The following TAMM41 variants were observed in gnomAD, a reference collection of about 807,000 sequenced individuals.
TAMM41 encodes the protein phosphatidate cytidylyltransferase, mitochondrial.
Under a neutral mutation model 44.1 loss-of-function variants are expected in TAMM41, and 36 were observed. The observed-to-expected ratio is 0.82, with a 90% CI of 0.63 to 1.08. The LOEUF (loss-of-function observed/expected upper bound fraction) is 1.08. Among genes scored for constraint, TAMM41 ranks in the 50% least tolerant of loss-of-function variants. The pLI, the probability that TAMM41 is intolerant of heterozygous loss-of-function variation, is 0.00. For missense variants in TAMM41, 417 were observed against 404.3 expected, an observed-to-expected ratio of 1.03 and a Z score of -0.27; for synonymous variants, 164 against 153.1, an observed-to-expected ratio of 1.07 and a Z score of -0.53.
Position 11,817,425 on chromosome 3 carries a change from G to A in TAMM41, c.563-88C>T, listed in dbSNP as rs963733221. On this transcript the variant is annotated intron_variant, in intron 4 of 7. Transcript: ENST00000455809. ...GACGCTCCCCACACTGATACCGCAC[G>A]GGTTCACTCTGGCAGGATCCCTCAT... The A allele has an allele frequency of 1.3e-5, 17 of 1,356,130 alleles. No homozygotes were observed. In the South Asian group the frequency reaches 2.1e-4, roughly 17 times the overall value. The allele number at this position is 1,356,130 out of a possible 1,614,324, so 84.0% of individuals were successfully genotyped here. A position where few individuals can be genotyped will look rare whatever the true frequency, so the allele number is the denominator to read the frequency against.
At chr3:11,743,224 T>G in the TAMM41 span, among the ~76,000 whole-genome samples, 1 of 151,870 alleles carries the variant, frequency 6.6e-6, no homozygotes, top group African/African-American at 2.4e-5. Flanking sequence ...GTGGTGGCAG[T>G]GGAGTCTTTG....
At chr3:11,740,832 C>T in the TAMM41 span, among the ~76,000 whole-genome samples, 1 of 50,832 alleles carries the variant, frequency 2.0e-5, no homozygotes, top group Non-Finnish European at 3.5e-5. Flanking sequence ...TTCCAAAGTG[C>T]TGGGATTACA....
rs568567833 is a variant in TAMM41, at chr3:11,802,798, TCAA to T, written c.937+5032_937+5034del. On this transcript the variant is annotated intron_variant, in intron 7 of 7. Transcript: ENST00000455809. ...CTGATGAACACAGACACAAAAATCC[TCAA>T]CAAAATACTAGCAAATTAAATCCAA... is the stretch of plus-strand genomic sequence containing the variant. Among the ~76,000 whole-genome samples, 3 of 152,208 alleles carry T rather than the reference TCAA, an allele frequency of 2.0e-5. No homozygotes were observed. In the South Asian group the frequency reaches 6.2e-4, roughly 32 times the overall value.
the TAMM41 span, among the ~76,000 whole-genome samples, chr3:11,745,533 A>G: frequency 6.6e-6 from 1 of 152,350 alleles, no homozygotes; most frequent in East Asian, 1.9e-4. Flanking sequence ...TACAACATGG[A>G]TGAACCTTGA....
the TAMM41 span, among the ~76,000 whole-genome samples, chr3:11,727,250 C>T: frequency 3.9e-5 from 6 of 152,300 alleles, no homozygotes; most frequent in African/African-American, 1.4e-4. Context: ...GAATTAAACC[C>T]TGGTGGTCCA....
chr3:11,765,030 G>C, the TAMM41 span, among the ~76,000 whole-genome samples: 6 of 152,094 alleles, frequency 3.9e-5, no homozygotes. Flanking sequence ...ACCTTAGTTG[G>C]CCTCACCTTT....
At chr3:11,842,314 A>G (rs562931111) in intron 2 of TAMM41, among the ~76,000 whole-genome samples, 82 of 150,906 alleles carry the variant, frequency 5.4e-4, no homozygotes, top group South Asian at 3.4e-3. Flanking sequence ...GAATCGCTTG[A>G]ACCTGGGAGG....
At chr3:11,724,670 T>C in the TAMM41 span, among the ~76,000 whole-genome samples, 1 of 149,226 alleles carries the variant, frequency 6.7e-6, no homozygotes, top group Non-Finnish European at 1.5e-5. Context: ...CAGTCACCTC[T>C]GGGTGATTCT....
At chr3:11,786,601 C>A (rs897646230), downstream of TAMM41, among the ~76,000 whole-genome samples, 8 of 151,512 alleles carry the variant, frequency 5.3e-5, no homozygotes, top group Non-Finnish European at 1.0e-4. Context: ...CTGCAGCCAG[C>A]CCCTTCTATT....
In TAMM41 at chr3:11,818,723, C is replaced by T. The variant is rs568092298; in HGVS notation, c.563-1386G>A. ...CATCCTGGCTAACACAGTGAAATCC[C>T]GTCTCTACTAAAAAATACAAAAAAA... On this transcript the variant is annotated intron_variant, in intron 4 of 7. Coordinates refer to ENST00000455809, the MANE Select transcript of TAMM41 (RefSeq NM_001284401.2). Among the ~76,000 whole-genome samples, 7 of 152,078 alleles carry T rather than the reference C, an allele frequency of 4.6e-5. No homozygotes were observed. In the South Asian group the frequency reaches 1.0e-3, roughly 23 times the overall value.
At chr3:11,830,150 C>A (rs768677589) in intron 3 of TAMM41, among the ~76,000 whole-genome samples, 1 of 152,088 alleles carries the variant, frequency 6.6e-6, no homozygotes, top group Admixed American at 6.5e-5. Context: ...GAGCAAAAGT[C>A]CTTTGGAAAC....
chr3:11,840,445 G>A (rs2079385341), intron 2 of TAMM41, among the ~76,000 whole-genome samples: 1 of 152,062 alleles, frequency 6.6e-6, no homozygotes, highest in Non-Finnish European at 1.5e-5. Context: ...CTGTTGGCCA[G>A]GCTGGTCTCA....
chr3:11,843,866 TAAG>T, intron 2 of TAMM41, 160 bp downstream of exon 2: 1 of 724,822 alleles, frequency 1.4e-6, no homozygotes. Flanking sequence ...TTCCTGACTA[TAAG>T]AATATACATA....
rs1214492793 is a variant in TAMM41 at position 11,829,705 on chromosome 3, C to G, written c.562+9G>C. ...CCTTGTAGAACATCTGGGCAGCAAC[C>G]ATACTAACCTGAATAGGAGAGACCG... On this transcript the variant is annotated intron_variant, in intron 4 of 7. Coordinates refer to ENST00000455809, the MANE Select transcript of TAMM41 (RefSeq NM_001284401.2). The G allele has an allele frequency of 6.2e-7, 1 of 1,613,748 alleles. No individual in the cohort carries two copies. The highest frequency in any genetic ancestry group is 1.1e-5 in the South Asian group (1 of 91,038).
At chr3:11,789,406 GA>G (rs1229477461), downstream of TAMM41, among the ~76,000 whole-genome samples, 1 of 152,100 alleles carries the variant, frequency 6.6e-6, no homozygotes. Context: ...CGATTTGCAG[GA>G]AAAAAAGACA....
intron 5 of TAMM41, chr3:11,811,023 G>A (rs149731342): frequency 6.6e-6 from 1 of 152,152 alleles, no homozygotes; most frequent in Non-Finnish European, 1.5e-5. Flanking sequence ...ACGATGAGTG[G>A]TGATTGTGCC....
At chr3:11,742,548 C>A in the TAMM41 span, among the ~76,000 whole-genome samples, 1 of 149,490 alleles carries the variant, frequency 6.7e-6, no homozygotes, top group Non-Finnish European at 1.5e-5. Context: ...CTGCTATGAA[C>A]ATTTGTGTAT....
chr3:11,749,901 CTTTT>C, the TAMM41 span, among the ~76,000 whole-genome samples: 16 of 135,944 alleles, frequency 1.2e-4, no homozygotes, highest in South Asian at 4.6e-4. Flanking sequence ...CTTTTTCTTT[CTTTT>C]TTTTTTTTTT....
At chr3:11,725,279 T>A in the TAMM41 span, among the ~76,000 whole-genome samples, 1 of 138,188 alleles carries the variant, frequency 7.2e-6, no homozygotes, top group Non-Finnish European at 1.6e-5. Context: ...CTCCCTCTTC[T>A]CCTCCTTCTC....
Sources: gnomAD v4.1 joint callset for allele counts (sites outside exome capture counted in the v4.1 genomes callset) on GRCh38, gnomAD v4.1.1 for gene constraint, MANE v1.5 for transcripts, NCBI Gene and HGNC (gene_info 2026-07-23, HGNC 2026-07-21) for gene names.